The following LRRC9 variants were observed in gnomAD, a reference collection of about 807,000 sequenced individuals.
LRRC9 encodes the protein leucine-rich repeat-containing protein 9.
A neutral mutation model predicts 63.2 loss-of-function variants in LRRC9; 122 were observed. The ratio of observed to expected loss-of-function variants is 1.93; its 90% confidence interval spans 1.67 to 2.24. The LOEUF (loss-of-function observed/expected upper bound fraction) is 2.24. LRRC9 is among the 30% of genes most tolerant of loss of function. The pLI is 0.00. For missense variants in LRRC9, 1,071 were observed against 627.7 expected (o/e 1.71, Z -7.55); for synonymous variants, 366 against 213.1 (o/e 1.72, Z -6.25).
downstream of LRRC9, among the ~76,000 whole-genome samples, chr14:60,064,000 G>A (rs1320538971): frequency 1.3e-5 from 2 of 152,124 alleles, no homozygotes; most frequent in Non-Finnish European, 2.9e-5. Context: ...GTGGCTAACC[G>A]TGGGTGCAAC....
intron 29 of LRRC9, among the ~76,000 whole-genome samples, chr14:60,045,142 G>A (rs1893306919): frequency 6.6e-6 from 1 of 151,180 alleles, no homozygotes; most frequent in Non-Finnish European, 1.5e-5. Context: ...TGAAGGGGCA[G>A]GGTGCTCTAG....
intron 16 of LRRC9, among the ~76,000 whole-genome samples, chr14:59,983,264 T>C (rs1887122124): frequency 6.6e-6 from 1 of 152,190 alleles, no homozygotes; most frequent in Non-Finnish European, 1.5e-5. Context: ...CAATACAAGA[T>C]AAGGGGAGTA....
intron 15 of LRRC9, among the ~76,000 whole-genome samples, chr14:59,978,622 T>C (rs1417696250): frequency 6.6e-6 from 1 of 152,184 alleles, no homozygotes; most frequent in Non-Finnish European, 1.5e-5. Flanking sequence ...TACATATAGA[T>C]GGGTATTTCA....
chr14:59,994,673 A>C (rs1449558348), intron 17 of LRRC9, among the ~76,000 whole-genome samples: 1 of 152,252 alleles, frequency 6.6e-6, no homozygotes, highest in Non-Finnish European at 1.5e-5. Context: ...ATGGAATACT[A>C]TGTGGCCATA....
At position 60,051,640 on chromosome 14, in the gene LRRC9, C is replaced by G. The variant is rs73308129; in HGVS notation, c.3991-1425C>G. On this transcript the variant is annotated intron_variant, in intron 29 of 31. Coordinates refer to ENST00000445360, the Ensembl canonical transcript of LRRC9. This position sits in a 1 kb window ranked among gnomAD's most constrained non-coding sequence, Gnocchi z 4.7. Reference sequence around the variant, plus strand: ...TGCCATGAAACTGAGGCCTGCAGACCGACACTGCTTGGCTCCCTGGATTCA... The same window carrying G: ...TGCCATGAAACTGAGGCCTGCAGACGGACACTGCTTGGCTCCCTGGATTCA... Among the ~76,000 whole-genome samples the G allele has an allele frequency of 2.9e-3, 447 of 152,246 alleles. 3 individuals carry two copies. The highest frequency in any genetic ancestry group is 0.01 in the African/African-American group (429 of 41,548).
In LRRC9 at chr14:59,932,310, C is replaced by T. The variant is rs968013546; in HGVS notation, c.543+271C>T. ...TGGCTACATCTCTTCAGTTTCTGTT[C>T]TTTCATCCTCTCCTAGCATCTAAGA... On this transcript the variant is annotated intron_variant, in intron 6 of 31. Transcript: ENST00000445360. The surrounding 1 kb of genome is among the most constrained non-coding windows in gnomAD (Gnocchi z 4.7). Among the ~76,000 whole-genome samples, 10 of 152,132 alleles carry T rather than the reference C, an allele frequency of 6.6e-5. No individual in the cohort carries two copies. Among genetic ancestry groups the T allele is most frequent in the African/African-American group, 2.2e-4 (9 of 41,518 alleles).
intron 17 of LRRC9, 78 bp downstream of exon 17, chr14:59,985,302 G>T: frequency 1.9e-6 from 1 of 518,568 alleles, no homozygotes. Context: ...AGGGCCTAAG[G>T]GCTAGGGGAA....
At chr14:60,025,449 A>C (rs1891468573) in intron 27 of LRRC9, among the ~76,000 whole-genome samples, 1 of 151,790 alleles carries the variant, frequency 6.6e-6, no homozygotes. Context: ...AGACCACCTA[A>C]CCCTGTAAGG....
At chr14:59,956,897 T>C (rs150678) in intron 8 of LRRC9, among the ~76,000 whole-genome samples, 62,532 of 152,010 alleles carry the variant, frequency 0.41, 13,392 homozygotes, top group East Asian at 0.58. Context: ...AAGCTTAGTT[T>C]GGCTGGATAC....
rs898978551 is a variant in LRRC9 at position 59,922,386 on chromosome 14, C to G, written c.-34+2503C>G. Reference sequence around the variant, plus strand: ...GTAGTGATGTGTTGCTAATGATTATCTAAAAGGTGTACCATAAAGGTATCT... The same window carrying G: ...GTAGTGATGTGTTGCTAATGATTATGTAAAAGGTGTACCATAAAGGTATCT... On this transcript the variant is annotated intron_variant, in intron 1 of 31. Transcript: ENST00000445360. This position sits in a 1 kb window ranked among gnomAD's most constrained non-coding sequence, Gnocchi z 5.3. Among the ~76,000 whole-genome samples the G allele has an allele frequency of 1.6e-4, 24 of 152,062 alleles. No homozygotes were observed. The highest frequency in any genetic ancestry group is 1.6e-3 in the Admixed American group (24 of 15,278).
At chr14:59,953,446 A>G (rs1334811261) in intron 8 of LRRC9, among the ~76,000 whole-genome samples, 1 of 152,184 alleles carries the variant, frequency 6.6e-6, no homozygotes, top group African/African-American at 2.4e-5. Context: ...TGTTGGTGGC[A>G]TAAATGTCTT....
At chr14:59,992,720 C>A (rs897348465) in intron 17 of LRRC9, among the ~76,000 whole-genome samples, 1 of 151,958 alleles carries the variant, frequency 6.6e-6, no homozygotes, top group African/African-American at 2.4e-5. Flanking sequence ...GATGGAAAAT[C>A]AAATGAATGA....
At chr14:59,975,630 G>A (rs1886188201) in intron 13 of LRRC9, among the ~76,000 whole-genome samples, 1 of 152,144 alleles carries the variant, frequency 6.6e-6, no homozygotes, top group Non-Finnish European at 1.5e-5. Flanking sequence ...TTAGGCACTG[G>A]AAGGGATACA....
chr14:60,008,357 T>C (rs1331322331), intron 23 of LRRC9, 143 bp downstream of exon 23: 1 of 496,046 alleles, frequency 2.0e-6, no homozygotes, highest in Non-Finnish European at 3.6e-6. Context: ...CCAAAGCTTA[T>C]TTTAGATCTG....
intron 26 of LRRC9, among the ~76,000 whole-genome samples, chr14:60,021,311 C>T (rs867869797): frequency 1.3e-5 from 2 of 151,830 alleles, no homozygotes; most frequent in East Asian, 1.9e-4. Flanking sequence ...AATCTCTATT[C>T]GAATCTGAAA....
chr14:59,945,782 T>C (rs1882305106), intron 8 of LRRC9, among the ~76,000 whole-genome samples: 1 of 151,900 alleles, frequency 6.6e-6, no homozygotes, highest in Admixed American at 6.6e-5. Flanking sequence ...TTGAGCAAAG[T>C]ACATAAACTA....
intron 19 of LRRC9, among the ~76,000 whole-genome samples, chr14:59,999,581 A>G (rs959006215): frequency 6.6e-6 from 1 of 152,034 alleles, no homozygotes; most frequent in East Asian, 1.9e-4. Context: ...GCATTAGTGA[A>G]TTATCTATCT....
chr14:60,064,131 T>A (rs928789842), downstream of LRRC9, among the ~76,000 whole-genome samples: 1 of 152,222 alleles, frequency 6.6e-6, no homozygotes, highest in Non-Finnish European at 1.5e-5. Flanking sequence ...GTATTCAAAC[T>A]GAGTGGACAC....
At chr14:59,999,203 A>G (rs1889117167) in exon 19 of LRRC9, 1 of 701,216 alleles carries the variant, frequency 1.4e-6, no homozygotes, top group African/African-American at 1.7e-5. Context: ...TATGAAATTT[A>G]TTGCAGGAAC....
Sources: allele counts gnomAD v4.1 joint callset (sites outside exome capture counted in the v4.1 genomes callset), GRCh38; gene constraint gnomAD v4.1.1; non-coding constraint Gnocchi (gnomAD v3.1); transcripts MANE v1.5; gene names NCBI Gene and HGNC (gene_info 2026-07-23, HGNC 2026-07-21).